GLI1: variants seen among roughly 807,000 people sequenced by gnomAD.
The protein encoded by GLI1 is transcription activator GLI1.
GLI1 carries 51 observed loss-of-function variants against 87.8 expected under a neutral mutation model. That is an observed-to-expected ratio of 0.58 (90% CI 0.46 to 0.73). The LOEUF (loss-of-function observed/expected upper bound fraction) is 0.73, where lower values mean the gene tolerates loss of function less well. Among genes scored for constraint, GLI1 ranks in the 30% least tolerant of loss-of-function variants. GLI1 has a pLI of 0.00. For synonymous variants in GLI1, 528 were observed against 558.2 expected, an observed-to-expected ratio of 0.95 and a Z score of 0.76; for missense variants, 1,292 against 1,437.2, an observed-to-expected ratio of 0.90 and a Z score of 1.63.
At chr12:57,461,834 G>A (rs1871159968) in intron 1 of GLI1, among the ~76,000 whole-genome samples, 1 of 152,178 alleles carries the variant, frequency 6.6e-6, no homozygotes, top group African/African-American at 2.4e-5. Flanking sequence ...GGTGCGAGGG[G>A]GACGCTGGAA....
chr12:57,460,758 G>A (rs545968958), intron 1 of GLI1, among the ~76,000 whole-genome samples: 1 of 135,546 alleles, frequency 7.4e-6, no homozygotes, highest in East Asian at 2.6e-4. Flanking sequence ...GTGTCTTCTG[G>A]ACTTGGAAGG....
rs756206910 is a variant in GLI1, at chr12:57,472,091, G to A, written c.*30G>A. ...TAGGGAATCTCATCCATCACAGATC[G>A]CATTTCCTAAGGGGTTTCTATCCTT... On this transcript the variant is annotated 3_prime_UTR_variant, in exon 12 of 12. Coordinates refer to ENST00000228682, the MANE Select transcript of GLI1 (RefSeq NM_005269.3). The A allele has an allele frequency of 9.9e-6, 14 of 1,409,996 alleles. No homozygotes were observed. Among genetic ancestry groups the A allele is most frequent in the East Asian group, 2.5e-5 (1 of 40,650 alleles). 87.3% of individuals were successfully genotyped at this position (1,409,996 alleles called of 1,614,324 possible). A position where few individuals can be genotyped will look rare whatever the true frequency, so the allele number is the denominator to read the frequency against.
rs1368596205 is a variant in GLI1, at chr12:57,472,033, A to G, written c.3293A>G (p.Glu1098Gly). 1 of 1,510,766 alleles carries G rather than the reference A, an allele frequency of 6.6e-7. No individual in the cohort carries two copies. Among genetic ancestry groups the G allele is most frequent in the Non-Finnish European group, 8.8e-7 (1 of 1,130,958 alleles). The allele number at this position is 1,510,766 out of a possible 1,614,324, so 93.6% of individuals were successfully genotyped here. A position where few individuals can be genotyped will look rare whatever the true frequency, so the allele number is the denominator to read the frequency against. Residue 1098 changes from glutamate to glycine, a missense_variant, in exon 12 of 12, where the codon GAA becomes GGA. Physicochemically the swap from Glu to Gly is moderately conservative, Grantham distance 98. Around this residue, in one of 3 missense-constraint regions of GLI1, gnomAD observed 897 missense variants for 1,040.7 expected, o/e 0.86. Transcript: ENST00000228682. ...MSVLLRSLPG[E>G]TEFLNSSA ...GTCTTACTGAGATCCCTACCTGGGG[A>G]AACAGAATTCCTCAACTCTAGTGCC...
At chr12:57,461,348 C>T (rs1871127964) in intron 1 of GLI1, among the ~76,000 whole-genome samples, 1 of 151,978 alleles carries the variant, frequency 6.6e-6, no homozygotes, top group South Asian at 2.1e-4. Flanking sequence ...CCATTATCTC[C>T]CTGGCATCCC....
chr12:57,469,483 C>T lies in GLI1; in HGVS notation c.1361C>T (p.Pro454Leu), dbSNP rs149950420. 1.2e-4 allele frequency: 187 copies of T among 1,613,144 alleles called. No individual in the cohort carries two copies. The highest frequency in any genetic ancestry group is 1.5e-4 in the Admixed American group (9 of 60,008). ...TCATCCTGCAGCAGTGACCACTCCC[C>T]GGCAGGGAGTGCAGCCAATACAGAC... ...AQSSCSSDHS[P>L]AGSAANTDSG... The change falls in exon 11 of 12, where the codon CCG becomes CTG. Residue 454 changes from proline to leucine, a missense_variant. This residue lies in a region of GLI1 where 897 missense variants were observed against 1,040.7 expected (regional missense o/e 0.86). Coordinates refer to ENST00000228682, the MANE Select transcript of GLI1 (RefSeq NM_005269.3).
intron 3 of GLI1, 113 bp from the exon 4 acceptor site, chr12:57,464,560 T>C (rs1029219679): frequency 4.7e-5 from 31 of 656,978 alleles, no homozygotes; most frequent in East Asian, 3.1e-4. Flanking sequence ...ATAGCATCAA[T>C]AGGGCAAAGC....
At chr12:57,469,290 A>G (rs937924021) in intron 10 of GLI1, 141 bp from the exon 11 acceptor site, 11 of 742,202 alleles carry the variant, frequency 1.5e-5, no homozygotes, top group Non-Finnish European at 2.2e-5. Flanking sequence ...TTGCTCCCCC[A>G]TCTCTTACCT....
intron 1 of GLI1, among the ~76,000 whole-genome samples, chr12:57,461,375 AG>A (rs1234505331): frequency 2.0e-5 from 3 of 151,650 alleles, no homozygotes; most frequent in Non-Finnish European, 4.4e-5. Context: ...TGACGTCACC[AG>A]GGGGTTCCCG....
Position 57,471,807 on chromosome 12 carries a change from C to A in GLI1, c.3067C>A (p.Pro1023Thr). 2 of 1,563,534 alleles carry A rather than the reference C, an allele frequency of 1.3e-6. No individual in the cohort carries two copies. Among genetic ancestry groups the A allele is most frequent in the Non-Finnish European group, 1.7e-6 (2 of 1,154,372 alleles). ...TGAGGTGGGCAGGCTAGGAGGGGGTCCTGCCTTGTACCCTCCTCCCGAAGG... is the reference window on the plus strand; with the variant it reads ...TGAGGTGGGCAGGCTAGGAGGGGGTACTGCCTTGTACCCTCCTCCCGAAGG... ...HPEVGRLGGGPALYPPPEGQV... is the reference protein window; with the variant it reads ...HPEVGRLGGGTALYPPPEGQV... The change falls in exon 12 of 12, where the codon CCT becomes ACT. Residue 1023 changes from proline (P) to threonine (T), a missense_variant. Transcript: ENST00000228682. This position sits in a 1 kb window ranked among gnomAD's most constrained non-coding sequence, Gnocchi z 4.9.
At position 57,465,094 on chromosome 12, in the gene GLI1, C is replaced by T. The variant is rs1245319211; in HGVS notation, c.390-17C>T. ...ACTTCCTAATTGTCTTAAGTAACTGCCTCCTCTCCTCCTCAGCCCATCTCT... is the reference window on the plus strand; with the variant it reads ...ACTTCCTAATTGTCTTAAGTAACTGTCTCCTCTCCTCCTCAGCCCATCTCT... On this transcript the variant is annotated splice_polypyrimidine_tract_variant and intron_variant, in intron 4 of 11. Coordinates refer to ENST00000228682, the MANE Select transcript of GLI1 (RefSeq NM_005269.3). The T allele has an allele frequency of 2.5e-6, 4 of 1,612,546 alleles. No individual in the cohort carries two copies. The highest frequency in any genetic ancestry group is 3.4e-6 in the Non-Finnish European group (4 of 1,178,574).
Position 57,463,735 on chromosome 12 carries a change from A to C in GLI1, c.44A>C (p.Glu15Ala), listed in dbSNP as rs766446724. The change falls in exon 2 of 12, where the codon GAG becomes GCG. Residue 15 changes from glutamate to alanine, a missense_variant. Around this residue, in one of 3 missense-constraint regions of GLI1, gnomAD observed 383 missense variants for 368.4 expected, o/e 1.04. Coordinates refer to ENST00000228682, the MANE Select transcript of GLI1 (RefSeq NM_005269.3). ...MTPPPISSYG[E>A]PCCLRPLPSQ... ...CCACCACCAATCAGTAGCTATGGCGAGCCCTGCTGTCTCCGGCCCCTCCCC... is the reference window on the plus strand; with the variant it reads ...CCACCACCAATCAGTAGCTATGGCGCGCCCTGCTGTCTCCGGCCCCTCCCC... 1.9e-6 allele frequency: 3 copies of C among 1,612,456 alleles called. No homozygotes were observed. Among genetic ancestry groups the C allele is most frequent in the Non-Finnish European group, 2.5e-6 (3 of 1,179,740 alleles).
chr12:57,469,848 A>G, intron 11 of GLI1, 150 bp downstream of exon 11: 1 of 751,696 alleles, frequency 1.3e-6, no homozygotes. Context: ...CATTTATCAG[A>G]AAATAGTTGT....
intron 1 of GLI1, chr12:57,460,453 C>T (rs1239921484): frequency 6.6e-6 from 1 of 152,284 alleles, no homozygotes; most frequent in African/African-American, 2.4e-5. Context: ...TCTTTGTCTC[C>T]GCCTCTCCCA....
rs1179532652 is a variant in GLI1 at position 57,465,617 on chromosome 12, A to T, written c.545A>T (p.Glu182Val). The T allele has an allele frequency of 6.2e-7, 1 of 1,613,886 alleles. No individual in the cohort carries two copies. The highest frequency in any genetic ancestry group is 1.1e-5 in the South Asian group (1 of 91,072). Residue 182 changes from glutamate to valine, a missense_variant, in exon 6 of 12, where the codon GAG (glutamate) becomes GTG (valine). By Grantham distance (121) the Glu-to-Val change is moderately radical (BLOSUM62 -2). Transcript: ENST00000228682. ...GPFPTCQLKS[E>V]LDMLVGKCRE... Reference sequence around the variant, plus strand: ...CTTCCCCTGGGGAAGCTGAAGTCTGAGCTGGACATGCTGGTTGGCAAGTGC... The same window carrying T: ...CTTCCCCTGGGGAAGCTGAAGTCTGTGCTGGACATGCTGGTTGGCAAGTGC...
Position 57,471,879 on chromosome 12 carries a change from C to A in GLI1, c.3139C>A (p.Leu1047Met). Residue 1047 changes from leucine (L) to methionine (M), a missense_variant, in exon 12 of 12, where the codon CTG (leucine) becomes ATG (methionine). Around this residue, in one of 3 missense-constraint regions of GLI1, gnomAD observed 897 missense variants for 1,040.7 expected, o/e 0.86. Coordinates refer to ENST00000228682, the MANE Select transcript of GLI1 (RefSeq NM_005269.3). This position sits in a 1 kb window ranked among gnomAD's most constrained non-coding sequence, Gnocchi z 4.9. ...CTCTCTTGATCTTGACAACACTCAG[C>A]TGGACTTTGTGGCTATTCTGGATGA... ...LDSLDLDNTQ[L>M]DFVAILDEPQ... 6.2e-7 allele frequency: 1 copy of A among 1,600,356 alleles called. No homozygotes were observed. Among genetic ancestry groups the A allele is most frequent in the Non-Finnish European group, 8.5e-7 (1 of 1,173,878 alleles).
In GLI1 at chr12:57,465,261, A is replaced by C. The variant is rs1464799739; in HGVS notation, c.534+6A>C. 1 of 1,593,784 alleles carries C rather than the reference A, an allele frequency of 6.3e-7. No individual in the cohort carries two copies. Among genetic ancestry groups the C allele is most frequent in the Non-Finnish European group, 8.6e-7 (1 of 1,167,620 alleles). On this transcript the variant is annotated splice_donor_region_variant and intron_variant, in intron 5 of 11. Coordinates refer to ENST00000228682, the MANE Select transcript of GLI1 (RefSeq NM_005269.3). ...GACCCTTCCCAACTTGCCAGGTGAGAGTCCCCATATTGCTACCTGATTTCC... is the reference window on the plus strand; with the variant it reads ...GACCCTTCCCAACTTGCCAGGTGAGCGTCCCCATATTGCTACCTGATTTCC...
rs144246236 is a variant in GLI1 at position 57,471,221 on chromosome 12, A to G, written c.2481A>G (p.Thr827=). ...GGTGCCCAGTGGGGTCTGACTCCACAGGACTGGCACCCTGCCTCAATGCCC... is the reference window on the plus strand; with the variant it reads ...GGTGCCCAGTGGGGTCTGACTCCACGGGACTGGCACCCTGCCTCAATGCCC... ...EQGCPVGSDS[T]GLAPCLNAHP... The change falls in exon 12 of 12, where the codon ACA becomes ACG. Residue 827 remains threonine (T), a synonymous_variant. Coordinates refer to ENST00000228682, the MANE Select transcript of GLI1 (RefSeq NM_005269.3). This position sits in a 1 kb window ranked among gnomAD's most constrained non-coding sequence, Gnocchi z 4.9. 6.2e-7 allele frequency: 1 copy of G among 1,604,036 alleles called. No homozygotes were observed. Among genetic ancestry groups the G allele is most frequent in the Non-Finnish European group, 8.5e-7 (1 of 1,175,116 alleles).
intron 3 of GLI1, among the ~76,000 whole-genome samples, 156 bp downstream of exon 3, chr12:57,464,247 G>A (rs1253464978): frequency 1.3e-5 from 2 of 152,270 alleles, no homozygotes; most frequent in Admixed American, 6.5e-5. Flanking sequence ...GGCCGGGCGC[G>A]GTGGCTCACG....
At chr12:57,468,470 CCTTT>C (rs544079333) in intron 10 of GLI1, among the ~76,000 whole-genome samples, 143 of 151,886 alleles carry the variant, frequency 9.4e-4, no homozygotes, top group African/African-American at 3.1e-3. Flanking sequence ...TTCCTTTCTT[CCTTT>C]CTTTCTTTCT....
Sources: gnomAD v4.1 joint callset for allele counts (sites outside exome capture counted in the v4.1 genomes callset) on GRCh38, gnomAD v4.1.1 for gene constraint, gnomAD v4.1.1 regional missense constraint, Gnocchi (gnomAD v3.1) non-coding constraint, MANE v1.5 for transcripts, NCBI Gene and HGNC (gene_info 2026-07-23, HGNC 2026-07-21) for gene names.